The following LRMDA variants were observed in gnomAD, a reference collection of about 807,000 sequenced individuals.
The protein encoded by LRMDA is leucine-rich melanocyte differentiation-associated protein.
In LRMDA, 18 loss-of-function variants were observed where a neutral mutation model predicts 29.8. The observed-to-expected ratio is 0.60, with a 90% CI of 0.42 to 0.90. LRMDA has a LOEUF of 0.90. Among genes scored for constraint, LRMDA ranks in the 40% least tolerant of loss-of-function variants. LRMDA has a pLI of 0.00. For missense variants in LRMDA, 273 were observed against 273.9 expected, an observed-to-expected ratio of 1.00 and a Z score of 0.02; for synonymous variants, 125 against 109.4, an observed-to-expected ratio of 1.14 and a Z score of -0.89.
At chr10:76,089,613 A>G (rs1589322003) in intron 5 of LRMDA, among the ~76,000 whole-genome samples, 1 of 152,158 alleles carries the variant, frequency 6.6e-6, no homozygotes, top group Non-Finnish European at 1.5e-5. Context: ...ACAGCTCTGC[A>G]TGAACCCATT....
At chr10:75,729,777 G>A (rs1267994721) in intron 2 of LRMDA, among the ~76,000 whole-genome samples, 1 of 152,140 alleles carries the variant, frequency 6.6e-6, no homozygotes, top group Non-Finnish European at 1.5e-5. Flanking sequence ...GCATCTGGCT[G>A]GGTTTTGTTG....
intron 4 of LRMDA, among the ~76,000 whole-genome samples, chr10:76,051,665 A>G (rs998805385): frequency 6.6e-6 from 1 of 152,222 alleles, no homozygotes; most frequent in Non-Finnish European, 1.5e-5. Flanking sequence ...TGAGCCACGT[A>G]GAGTTCAAGC....
rs997174469 is a variant in LRMDA, at chr10:76,302,596, T to C, written c.517-21805T>C. Among the ~76,000 whole-genome samples the C allele has an allele frequency of 5.3e-5, 8 of 152,324 alleles. 1 individual carries two copies. The highest frequency in any genetic ancestry group is 1.9e-4 in the African/African-American group (8 of 41,582). On this transcript the variant is annotated intron_variant, in intron 5 of 6. Transcript: ENST00000611255. ...GATTGCTGGAGTGGATACTCTTGTT[T>C]CTTGCCTTTTAGAGAAAATGTTTGT...
intron 5 of LRMDA, among the ~76,000 whole-genome samples, chr10:76,230,208 CA>C (rs776377084): frequency 8.6e-5 from 13 of 152,042 alleles, no homozygotes; most frequent in Non-Finnish European, 1.3e-4. Context: ...TTGTCCCTTT[CA>C]AAACAGATTA....
chr10:76,190,251 G>A (rs145196939), intron 5 of LRMDA, among the ~76,000 whole-genome samples: 21 of 152,056 alleles, frequency 1.4e-4, no homozygotes, highest in African/African-American at 4.6e-4. Context: ...ATTTCCACTC[G>A]GATTTTTCTA....
intron 6 of LRMDA, among the ~76,000 whole-genome samples, chr10:76,451,594 C>T (rs561916458): frequency 6.6e-6 from 1 of 150,836 alleles, no homozygotes; most frequent in Non-Finnish European, 1.5e-5. Flanking sequence ...TTCCTTTGAA[C>T]GGTGCTGCAT....
At chr10:75,528,556 T>C (rs941591694) in intron 2 of LRMDA, among the ~76,000 whole-genome samples, 10 of 152,168 alleles carry the variant, frequency 6.6e-5, no homozygotes, top group African/African-American at 2.4e-4. Context: ...AAAAGGAGAA[T>C]TGAAAGTACT....
chr10:76,039,635 A>G (rs1848309232), intron 3 of LRMDA, among the ~76,000 whole-genome samples: 1 of 152,224 alleles, frequency 6.6e-6, no homozygotes, highest in Non-Finnish European at 1.5e-5. Context: ...ATAGTGGTTA[A>G]GAACAACAGG....
At chr10:75,520,585 C>T (rs941829884) in intron 2 of LRMDA, among the ~76,000 whole-genome samples, 2 of 152,176 alleles carry the variant, frequency 1.3e-5, no homozygotes, top group Non-Finnish European at 2.9e-5. Flanking sequence ...TTCGTCTAGC[C>T]ATTTTTCAAG....
intron 2 of LRMDA, among the ~76,000 whole-genome samples, chr10:75,957,576 C>T (rs1043299017): frequency 4.6e-5 from 7 of 152,204 alleles, no homozygotes; most frequent in African/African-American, 7.2e-5. Flanking sequence ...GTGTCAGAAA[C>T]GCCCTTCCTT....
chr10:75,620,939 C>T (rs938214346), intron 2 of LRMDA, among the ~76,000 whole-genome samples: 18 of 152,208 alleles, frequency 1.2e-4, no homozygotes, highest in African/African-American at 3.6e-4. Flanking sequence ...GCACACATCA[C>T]CTGAACAGTG....
chr10:75,758,613 G>C (rs1243061807), intron 2 of LRMDA, among the ~76,000 whole-genome samples: 2 of 152,206 alleles, frequency 1.3e-5, no homozygotes, highest in Admixed American at 1.3e-4. Flanking sequence ...CACCCCTCAT[G>C]TGTTTGTGGA....
chr10:75,800,070 T>C (rs902659584), intron 2 of LRMDA, among the ~76,000 whole-genome samples: 1 of 152,180 alleles, frequency 6.6e-6, no homozygotes, highest in Non-Finnish European at 1.5e-5. Flanking sequence ...GGTCCTTTTT[T>C]CCCCCTTGAC....
chr10:75,519,073 T>C (rs1003400364), intron 2 of LRMDA, among the ~76,000 whole-genome samples: 4 of 152,206 alleles, frequency 2.6e-5, no homozygotes, highest in Admixed American at 6.5e-5. Flanking sequence ...AGAGACAGTT[T>C]GTTGTGATTT....
intron 5 of LRMDA, among the ~76,000 whole-genome samples, chr10:76,187,745 A>G (rs1199488787): frequency 6.6e-6 from 1 of 152,178 alleles, no homozygotes; most frequent in Non-Finnish European, 1.5e-5. Context: ...GACAGATCTT[A>G]CTTCTGTGTC....
intron 2 of LRMDA, among the ~76,000 whole-genome samples, chr10:75,584,769 C>A (rs1840637871): frequency 6.6e-6 from 1 of 152,160 alleles, no homozygotes; most frequent in Admixed American, 6.5e-5. Flanking sequence ...TAATGGCCAA[C>A]AGCATTCTGA....
intron 6 of LRMDA, among the ~76,000 whole-genome samples, chr10:76,507,608 C>T (rs1842971841): frequency 6.6e-6 from 1 of 152,012 alleles, no homozygotes; most frequent in African/African-American, 2.4e-5. Context: ...TTGTTTTCCC[C>T]TAGTAGTTTC....
intron 2 of LRMDA, among the ~76,000 whole-genome samples, chr10:75,527,493 T>C (rs1845426639): frequency 6.6e-6 from 1 of 151,982 alleles, no homozygotes; most frequent in Non-Finnish European, 1.5e-5. Flanking sequence ...CACCATTTTA[T>C]ATTCCCACCA....
chr10:76,057,652 T>TA (rs1848638295), intron 4 of LRMDA, among the ~76,000 whole-genome samples: 1 of 151,994 alleles, frequency 6.6e-6, no homozygotes, highest in Non-Finnish European at 1.5e-5. Flanking sequence ...GAAAGATGAG[T>TA]ATATGCTGAG....
Sources: allele counts gnomAD v4.1 joint callset (sites outside exome capture counted in the v4.1 genomes callset), GRCh38; gene constraint gnomAD v4.1.1; transcripts MANE v1.5; gene names NCBI Gene and HGNC (gene_info 2026-07-23, HGNC 2026-07-21).